KCNC2: variants seen among roughly 807,000 people sequenced by gnomAD.
KCNC2 encodes the protein voltage-gated potassium channel KCNC2.
In KCNC2, 21 loss-of-function variants were observed where a neutral mutation model predicts 44.5. The observed-to-expected ratio is 0.47, with a 90% confidence interval of 0.33 to 0.68. The LOEUF is 0.68. KCNC2 is among the 30% of genes least tolerant of loss of function. The probability of loss-of-function intolerance (pLI) is 0.01; values close to 1 mark genes in which losing one functional copy is unlikely to be tolerated. For missense variants in KCNC2, 589 were observed against 826.2 expected (o/e 0.71, Z 3.52); for synonymous variants, 391 against 339.1 (o/e 1.15, Z -1.68).
intron 2 of KCNC2, among the ~76,000 whole-genome samples, chr12:75,178,708 G>T (rs1892360191): frequency 6.6e-6 from 1 of 152,018 alleles, no homozygotes; most frequent in Admixed American, 6.6e-5. Context: ...GCAGTGAAGA[G>T]AAATGAGATA....
chr12:75,185,400 G>A (rs1448328580), intron 2 of KCNC2, among the ~76,000 whole-genome samples: 1 of 152,132 alleles, frequency 6.6e-6, no homozygotes, highest in Non-Finnish European at 1.5e-5. Context: ...GAGCCTCATA[G>A]GAAGTGTTTG....
At chr12:75,138,751 C>T (rs1371880761) in intron 2 of KCNC2, among the ~76,000 whole-genome samples, 6 of 151,892 alleles carry the variant, frequency 4.0e-5, no homozygotes, top group Non-Finnish European at 7.4e-5. Flanking sequence ...GAGGCCGAGG[C>T]GGTCAGATCA....
At chr12:75,072,293 G>A (rs1427221857) in intron 2 of KCNC2, among the ~76,000 whole-genome samples, 1 of 152,058 alleles carries the variant, frequency 6.6e-6, no homozygotes, top group Non-Finnish European at 1.5e-5. Context: ...AGACAAATGT[G>A]ATATCTAATT....
intron 2 of KCNC2, among the ~76,000 whole-genome samples, chr12:75,084,321 T>TAGATAGATAGATAGATAGAC (rs1565840540): frequency 6.6e-6 from 1 of 151,654 alleles, no homozygotes; most frequent in African/African-American, 2.4e-5. Context: ...GATAGATAGA[T>TAGATAGATAGATAGATAGAC]AGATAGATAG....
At chr12:75,176,559 T>TAGAC (rs1892197906) in intron 2 of KCNC2, among the ~76,000 whole-genome samples, 1 of 152,020 alleles carries the variant, frequency 6.6e-6, no homozygotes, top group African/African-American at 2.4e-5. Context: ...TCAAATGAAC[T>TAGAC]AGACACTCTC....
chr12:75,095,517 C>T (rs1386075775), intron 2 of KCNC2, among the ~76,000 whole-genome samples: 1 of 151,728 alleles, frequency 6.6e-6, no homozygotes, highest in Non-Finnish European at 1.5e-5. Context: ...TCCTTCATTC[C>T]TCCAGTGTTC....
chr12:75,198,661 A>G (rs1042865840), intron 2 of KCNC2, among the ~76,000 whole-genome samples: 2 of 151,878 alleles, frequency 1.3e-5, no homozygotes, highest in African/African-American at 4.8e-5. Context: ...TTATTATGCC[A>G]TCATTTCCGG....
At chr12:75,084,240 TA>T (rs1884761175) in intron 2 of KCNC2, among the ~76,000 whole-genome samples, 1 of 151,030 alleles carries the variant, frequency 6.6e-6, no homozygotes, top group South Asian at 2.1e-4. Context: ...TATAGATAGA[TA>T]GATAGATGAT....
Position 75,207,056 on chromosome 12 carries a change from G to C in KCNC2, c.687+241C>G, listed in dbSNP as rs981088182. On this transcript the variant is annotated intron_variant, in intron 2 of 4. Coordinates refer to ENST00000549446, the MANE Select transcript of KCNC2 (RefSeq NM_139137.4). This position sits in a 1 kb window ranked among gnomAD's most constrained non-coding sequence, Gnocchi z 4.1. ...GACATTGGCCCTCTAGGTCCCATCT[G>C]CTAAAGCAAATCTGTTTGAGTTGGG... Among the ~76,000 whole-genome samples, 1 of 152,208 alleles carries C rather than the reference G, an allele frequency of 6.6e-6. No homozygotes were observed. Among genetic ancestry groups the C allele is most frequent in the Non-Finnish European group, 1.5e-5 (1 of 68,046 alleles).
In KCNC2 at chr12:75,042,570, G is replaced by T; in HGVS notation, c.*535C>A. The T allele has an allele frequency of 7.2e-7, 1 of 1,380,830 alleles. No homozygotes were observed. The highest frequency in any genetic ancestry group is 9.3e-7 in the Non-Finnish European group (1 of 1,069,794). The allele number at this position is 1,380,830 out of a possible 1,614,324, so 85.5% of individuals were successfully genotyped here. ...TCGACCAATGCTTTCATATCAGCAG[G>T]ATGGTTCGATGCAAGTACACATATC... On this transcript the variant is annotated 3_prime_UTR_variant, in exon 5 of 5. Coordinates refer to ENST00000549446, the MANE Select transcript of KCNC2 (RefSeq NM_139137.4).
At chr12:75,158,691 T>G (rs1014101943) in intron 2 of KCNC2, among the ~76,000 whole-genome samples, 27 of 151,908 alleles carry the variant, frequency 1.8e-4, no homozygotes, top group Admixed American at 1.8e-3. Flanking sequence ...TACTTTGATT[T>G]TTTTTTCCCA....
chr12:75,204,832 C>A (rs1326181445), intron 2 of KCNC2, among the ~76,000 whole-genome samples: 1 of 151,930 alleles, frequency 6.6e-6, no homozygotes, highest in Non-Finnish European at 1.5e-5. Flanking sequence ...TTTCAGCCAA[C>A]CCCTAGGAAT....
In KCNC2 at chr12:75,126,084, C is replaced by A. The variant is rs181294314; in HGVS notation, c.688-74767G>T. ...GATGGATATCTGATGAGCTTATGAG[C>A]AAAACTAAAAAACCCGAGTCTCTCT... On this transcript the variant is annotated intron_variant, in intron 2 of 4. Coordinates refer to ENST00000549446, the MANE Select transcript of KCNC2 (RefSeq NM_139137.4). Among the ~76,000 whole-genome samples, 12 of 152,120 alleles carry A rather than the reference C, an allele frequency of 7.9e-5. No individual in the cohort carries two copies. In the East Asian group the frequency reaches 2.3e-3, roughly 29 times the overall value.
intron 2 of KCNC2, among the ~76,000 whole-genome samples, chr12:75,114,969 A>G (rs1339577029): frequency 7.1e-6 from 1 of 140,864 alleles, no homozygotes; most frequent in African/African-American, 2.7e-5. Flanking sequence ...GGTTCACGCC[A>G]TTCTCCTGCC....
chr12:75,065,937 T>C (rs944983659), intron 2 of KCNC2, among the ~76,000 whole-genome samples: 1 of 152,124 alleles, frequency 6.6e-6, no homozygotes, highest in Non-Finnish European at 1.5e-5. Context: ...TAAAATTACA[T>C]TCATATTTTG....
At chr12:75,154,517 G>A (rs1343383292) in intron 2 of KCNC2, among the ~76,000 whole-genome samples, 1 of 151,878 alleles carries the variant, frequency 6.6e-6, no homozygotes, top group African/African-American at 2.4e-5. Flanking sequence ...CAAATGTCAG[G>A]CTTCTAGGAC....
At chr12:75,094,895 A>G (rs1885793875) in intron 2 of KCNC2, among the ~76,000 whole-genome samples, 1 of 151,840 alleles carries the variant, frequency 6.6e-6, no homozygotes, top group Non-Finnish European at 1.5e-5. Context: ...ACAATAAGGT[A>G]GAAAACACAT....
At chr12:75,200,367 T>A (rs946879183) in intron 2 of KCNC2, among the ~76,000 whole-genome samples, 1 of 151,800 alleles carries the variant, frequency 6.6e-6, no homozygotes, top group Non-Finnish European at 1.5e-5. Flanking sequence ...CCAATTTTCT[T>A]CCAGTTCTAA....
At chr12:75,137,690 C>G (rs1955484533) in intron 2 of KCNC2, among the ~76,000 whole-genome samples, 1 of 152,170 alleles carries the variant, frequency 6.6e-6, no homozygotes, top group African/African-American at 2.4e-5. Flanking sequence ...AAAAGCTTTA[C>G]AGTCAATATG....
Sources: gnomAD v4.1 joint callset for allele counts (sites outside exome capture counted in the v4.1 genomes callset) on GRCh38, gnomAD v4.1.1 for gene constraint, Gnocchi (gnomAD v3.1) non-coding constraint, MANE v1.5 for transcripts, NCBI Gene and HGNC (gene_info 2026-07-23, HGNC 2026-07-21) for gene names.